The following MS4A5 variants were observed in gnomAD, a reference collection of about 807,000 sequenced individuals.
MS4A5 encodes the protein membrane-spanning 4-domains subfamily A member 5.
MS4A5 carries 15 observed loss-of-function variants against 18.2 expected under a neutral mutation model. The ratio of observed to expected loss-of-function variants is 0.83; its 90% CI spans 0.55 to 1.27. The LOEUF (loss-of-function observed/expected upper bound fraction) is 1.27. Among genes scored for constraint, MS4A5 ranks in the 50% most tolerant of loss-of-function variants. MS4A5 has a pLI of 0.00. For synonymous variants in MS4A5, 89 were observed against 78.7 expected (o/e 1.13, Z -0.69); for missense variants, 232 against 225.7 (o/e 1.03, Z -0.18).
chr11:60,429,918 T>C, intron 1 of MS4A5, 91 bp downstream of exon 1: 1 of 1,223,592 alleles, frequency 8.2e-7, no homozygotes, highest in Non-Finnish European at 1.1e-6. Context: ...GGTAGGAGCC[T>C]ATTCCAATTC....
At chr11:60,442,968 C>A (rs574966238) in intron 4 of MS4A5, among the ~76,000 whole-genome samples, 1 of 152,232 alleles carries the variant, frequency 6.6e-6, no homozygotes, top group Non-Finnish European at 1.5e-5. Context: ...TGGTGAAACA[C>A]CATCTCTACT....
intron 4 of MS4A5, among the ~76,000 whole-genome samples, chr11:60,445,690 A>C (rs892788599): frequency 1.6e-4 from 24 of 152,204 alleles, no homozygotes; most frequent in African/African-American, 5.5e-4. Flanking sequence ...TCAAGAAAAA[A>C]TTTTCTTTTT....
Position 60,433,757 on chromosome 11 carries a change from T to A in MS4A5, c.340-8T>A. 6.2e-7 allele frequency: 1 copy of A among 1,613,058 alleles called. No homozygotes were observed. Among genetic ancestry groups the A allele is most frequent in the Non-Finnish European group, 8.5e-7 (1 of 1,179,020 alleles). On this transcript the variant is annotated splice_region_variant and splice_polypyrimidine_tract_variant and intron_variant, in intron 3 of 4. Coordinates refer to ENST00000300190, the MANE Select transcript of MS4A5 (RefSeq NM_023945.3). The stretch of plus-strand genomic sequence containing the variant: ...CAGTCACATTGTTATGTTCTTATTC[T>A]ATTTCAGATAATATTGAGCCGAATA...
chr11:60,446,005 C>G (rs528371201), intron 4 of MS4A5, among the ~76,000 whole-genome samples: 15 of 152,170 alleles, frequency 9.9e-5, no homozygotes, highest in Non-Finnish European at 1.9e-4. Flanking sequence ...AGATGTCTAT[C>G]TCTACAGTAA....
rs370393289 is a variant in MS4A5, at chr11:60,432,740, G to A, written c.339+273G>A. On this transcript the variant is annotated intron_variant, in intron 3 of 4. Transcript: ENST00000300190. ...GTGGAGGTTGCAAGGAGCCGAGATCGTGCCTGGGCAACGGAAAAGACTCCA... is the reference window on the plus strand; with the variant it reads ...GTGGAGGTTGCAAGGAGCCGAGATCATGCCTGGGCAACGGAAAAGACTCCA... 6.9e-4 allele frequency among the ~76,000 whole-genome samples: 102 copies of A among 148,608 alleles called. 2 individuals carry two copies. In the South Asian group the frequency reaches 0.018, roughly 26 times the overall value.
At chr11:60,438,404 G>A (rs1354306480) in intron 4 of MS4A5, among the ~76,000 whole-genome samples, 5 of 151,802 alleles carry the variant, frequency 3.3e-5, no homozygotes, top group Non-Finnish European at 7.4e-5. Context: ...GCTAGCAGAA[G>A]CCAAGAAATA....
chr11:60,432,376 A>G (rs752425411), intron 2 of MS4A5, 35 bp from the exon 3 acceptor site: 34 of 1,403,938 alleles, frequency 2.4e-5, no homozygotes, highest in Non-Finnish European at 3.1e-5. Flanking sequence ...TCAGCTAAAC[A>G]TGGTCATCAT....
chr11:60,445,957 C>T (rs2086136264), intron 4 of MS4A5, among the ~76,000 whole-genome samples: 1 of 152,182 alleles, frequency 6.6e-6, no homozygotes, highest in Admixed American at 6.5e-5. Flanking sequence ...AAGGATACAA[C>T]ATTTACCTAC....
At chr11:60,442,895 C>G (rs1271800433) in intron 4 of MS4A5, among the ~76,000 whole-genome samples, 1 of 152,188 alleles carries the variant, frequency 6.6e-6, no homozygotes, top group African/African-American at 2.4e-5. Flanking sequence ...AATCCCAGGA[C>G]TTTGGGAGGC....
intron 4 of MS4A5, among the ~76,000 whole-genome samples, chr11:60,447,169 G>A (rs1321936806): frequency 1.4e-5 from 2 of 148,024 alleles, no homozygotes; most frequent in Admixed American, 6.7e-5. Context: ...GCTATCCTAT[G>A]TTATGCTATG....
chr11:60,445,222 T>C (rs930475822), intron 4 of MS4A5, among the ~76,000 whole-genome samples: 1 of 151,990 alleles, frequency 6.6e-6, no homozygotes, highest in Admixed American at 6.6e-5. Flanking sequence ...AAAAATGTGA[T>C]ATATCTTGAC....
intron 2 of MS4A5, 127 bp downstream of exon 2, chr11:60,431,051 T>G: frequency 1.0e-6 from 1 of 972,422 alleles, no homozygotes; most frequent in Admixed American, 2.8e-5. Context: ...CTAACCTTGT[T>G]GAAATTATTT....
At chr11:60,429,874 G>T in intron 1 of MS4A5, 47 bp downstream of exon 1, 1 of 1,559,844 alleles carries the variant, frequency 6.4e-7, no homozygotes, top group Non-Finnish European at 8.7e-7. Context: ...GCAGGGGAAA[G>T]GCTAGGGAAA....
At position 60,433,698 on chromosome 11, in the gene MS4A5, A is replaced by T. The variant is rs2086063608; in HGVS notation, c.340-67A>T. The T allele has an allele frequency of 5.4e-6, 8 of 1,480,996 alleles. No homozygotes were observed. In the South Asian group the frequency reaches 7.1e-5, roughly 13 times the overall value. 91.7% of individuals were successfully genotyped at this position (1,480,996 alleles called of 1,614,324 possible). ...TAAAATCCTGCTCTCCATTCTCCGC[A>T]CTCATTGCTTTGTTTGTAGTACAGG... On this transcript the variant is annotated intron_variant, in intron 3 of 4. Coordinates refer to ENST00000300190, the MANE Select transcript of MS4A5 (RefSeq NM_023945.3).
At chr11:60,432,278 C>T (rs1015158693) in intron 2 of MS4A5, 133 bp from the exon 3 acceptor site, 9 of 485,788 alleles carry the variant, frequency 1.9e-5, no homozygotes, top group African/African-American at 1.8e-4. Context: ...AAGCAACTCA[C>T]CCTTCTCACT....
chr11:60,435,589 C>T (rs1329405605), intron 4 of MS4A5: 9 of 288,418 alleles, frequency 3.1e-5, no homozygotes, highest in South Asian at 5.9e-5. Context: ...CTGCGCGAGC[C>T]GAAGCAGGGC....
chr11:60,430,716 T>C (rs1162107557), intron 1 of MS4A5, 80 bp from the exon 2 acceptor site: 63 of 1,535,072 alleles, frequency 4.1e-5, no homozygotes, highest in Non-Finnish European at 5.2e-5. Context: ...CAAATCCTTT[T>C]GACCAAAAGA....
At position 60,430,912 on chromosome 11, in the gene MS4A5, G is replaced by A. The variant is rs1173588721; in HGVS notation, c.270G>A (p.Trp90Ter). 6.2e-7 allele frequency: 1 copy of A among 1,612,008 alleles called. No homozygotes were observed. Among genetic ancestry groups the A allele is most frequent in the Non-Finnish European group, 8.5e-7 (1 of 1,179,746 alleles). ...PFIFLSGYPF[W>*]GSVLFINSGA... ...TATTTCTTTCAGGATATCCATTCTG[G>A]GGCTCTGTTTTGGTGAGTATAGTCA... Residue 90 changes from tryptophan (W) to a stop codon, truncating the protein, a stop_gained, in exon 2 of 5, where the codon TGG becomes TGA. Coordinates refer to ENST00000300190, the MANE Select transcript of MS4A5 (RefSeq NM_023945.3). LOFTEE classifies it high-confidence loss of function.
chr11:60,431,843 A>T (rs1269698402), intron 2 of MS4A5, among the ~76,000 whole-genome samples: 1 of 152,172 alleles, frequency 6.6e-6, no homozygotes, highest in African/African-American at 2.4e-5. Flanking sequence ...GGGAGTGAGG[A>T]TGGAGAGATG....
Sources: allele counts gnomAD v4.1 joint callset (sites outside exome capture counted in the v4.1 genomes callset), GRCh38; gene constraint gnomAD v4.1.1; transcripts MANE v1.5; gene names NCBI Gene and HGNC (gene_info 2026-07-23, HGNC 2026-07-21).